RBFOX3: variants seen among roughly 807,000 people sequenced by gnomAD.
RBFOX3 encodes the protein RNA binding fox-1 homolog 3.
A neutral mutation model predicts 48.7 loss-of-function variants in RBFOX3; 17 were observed. The ratio of observed to expected loss-of-function variants is 0.35; its 90% CI spans 0.24 to 0.52. The LOEUF (loss-of-function observed/expected upper bound fraction) is 0.52. Ranked by LOEUF, RBFOX3 falls within the 20% of genes least tolerant of loss-of-function variation. The pLI is 0.94. For missense variants in RBFOX3, 382 were observed against 497.5 expected (o/e 0.77, Z 2.21); for synonymous variants, 212 against 209.5 (o/e 1.01, Z -0.10).
intron 3 of RBFOX3, among the ~76,000 whole-genome samples, chr17:79,288,846 T>C (rs2072610910): frequency 6.6e-6 from 1 of 151,416 alleles, no homozygotes; most frequent in Non-Finnish European, 1.5e-5. Flanking sequence ...AGTGAGGTAA[T>C]AGGGAGAAGT....
chr17:79,408,213 C>T (rs1004608970), intron 2 of RBFOX3, among the ~76,000 whole-genome samples: 2 of 152,150 alleles, frequency 1.3e-5, no homozygotes, highest in African/African-American at 2.4e-5. Context: ...GACACACACT[C>T]GATGGCTGGG....
chr17:79,657,269 C>A, the RBFOX3 span, among the ~76,000 whole-genome samples: 1 of 152,184 alleles, frequency 6.6e-6, no homozygotes, highest in African/African-American at 2.4e-5. Flanking sequence ...GGGGAGATTG[C>A]AGCAGGTCTT....
intron 2 of RBFOX3, among the ~76,000 whole-genome samples, chr17:79,463,718 GCCACTGCCACCTCCACCGCCATCA>G (rs1225733267): frequency 8.7e-6 from 1 of 114,526 alleles, no homozygotes; most frequent in Non-Finnish European, 1.9e-5. Context: ...CACCTCCACC[GCCACTGCCACCTCCACCGCCATCA>G]CCACTGCCAC....
rs191021019 is a variant in RBFOX3 at position 79,394,928 on chromosome 17, G to A, written c.-174-87104C>T. Among the ~76,000 whole-genome samples the A allele has an allele frequency of 1.8e-3, 276 of 152,362 alleles. 4 individuals carry two copies. Among genetic ancestry groups the A allele is most frequent in the Admixed American group, 3.1e-3 (47 of 15,308 alleles). ...CGCTCGGGGCGTGTGCAGGTGGGACGACGCAGAGAGGCGGCAAGACGTCAG... is the reference window on the plus strand; with the variant it reads ...CGCTCGGGGCGTGTGCAGGTGGGACAACGCAGAGAGGCGGCAAGACGTCAG... On this transcript the variant is annotated intron_variant, in intron 2 of 14. Transcript: ENST00000693108.
intron 2 of RBFOX3, among the ~76,000 whole-genome samples, chr17:79,332,724 TGA>T (rs2146384431): frequency 9.5e-6 from 1 of 105,660 alleles, no homozygotes; most frequent in East Asian, 3.6e-4. Context: ...AGACAGAGCC[TGA>T]GAGACAAAGA....
intron 2 of RBFOX3, among the ~76,000 whole-genome samples, chr17:79,354,464 A>G (rs759199274): frequency 3.3e-5 from 5 of 152,224 alleles, no homozygotes; most frequent in Non-Finnish European, 7.3e-5. Flanking sequence ...AGGACACCCC[A>G]GCCCCCGGCA....
intron 1 of RBFOX3, among the ~76,000 whole-genome samples, chr17:79,559,844 G>C (rs1408422063): frequency 3.4e-5 from 5 of 146,564 alleles, no homozygotes; most frequent in Non-Finnish European, 7.5e-5. Flanking sequence ...TGAATGAATG[G>C]GTGGATGGAT....
intron 2 of RBFOX3, among the ~76,000 whole-genome samples, chr17:79,323,149 A>G (rs185082771): frequency 2.0e-5 from 3 of 152,354 alleles, no homozygotes; most frequent in Admixed American, 1.3e-4. Context: ...AAGGAAGATT[A>G]TTGATATTCT....
chr17:79,443,064 G>C lies in RBFOX3; in HGVS notation c.-175+39390C>G, dbSNP rs1022717040. Among the ~76,000 whole-genome samples, 1 of 152,224 alleles carries C rather than the reference G, an allele frequency of 6.6e-6. No homozygotes were observed. The highest frequency in any genetic ancestry group is 2.4e-5 in the African/African-American group (1 of 41,460). On this transcript the variant is annotated intron_variant, in intron 2 of 14. Coordinates refer to ENST00000693108, the MANE Select transcript of RBFOX3 (RefSeq NM_001350451.2). This position sits in a 1 kb window ranked among gnomAD's most constrained non-coding sequence, Gnocchi z 4.4. ...CCACCTGTGCCATGAGGTCCTCACA[G>C]GCCAAAGGTGCACATGGACGAGACA...
At chr17:79,276,099 G>A (rs1453598286) in intron 3 of RBFOX3, among the ~76,000 whole-genome samples, 2 of 152,166 alleles carry the variant, frequency 1.3e-5, no homozygotes, top group Non-Finnish European at 2.9e-5. Context: ...AAGACGGTAC[G>A]CTCAGAGGCA....
intron 3 of RBFOX3, among the ~76,000 whole-genome samples, chr17:79,306,696 C>A (rs1238258762): frequency 6.6e-6 from 1 of 152,220 alleles, no homozygotes; most frequent in Non-Finnish European, 1.5e-5. Flanking sequence ...GTCCAGGGTG[C>A]CCTGCCTACC....
intron 4 of RBFOX3, among the ~76,000 whole-genome samples, chr17:79,201,414 C>T (rs12600839): frequency 0.08 from 12,206 of 152,158 alleles, 623 homozygotes; most frequent in East Asian, 0.14. Flanking sequence ...GCCAGAATAC[C>T]GAGAAGCAGG....
chr17:79,389,742 C>T (rs547714074), intron 2 of RBFOX3, among the ~76,000 whole-genome samples: 3 of 152,156 alleles, frequency 2.0e-5, no homozygotes, highest in Non-Finnish European at 2.9e-5. Flanking sequence ...GGCTGGGGAC[C>T]GTACTTGGGG....
At chr17:79,397,830 T>C (rs912017982) in intron 2 of RBFOX3, among the ~76,000 whole-genome samples, 1 of 152,064 alleles carries the variant, frequency 6.6e-6, no homozygotes, top group Non-Finnish European at 1.5e-5. Context: ...AGGGGAGGTG[T>C]CTCAGCCTTG....
At chr17:79,307,170 C>T (rs2076217109) in intron 3 of RBFOX3, among the ~76,000 whole-genome samples, 3 of 152,224 alleles carry the variant, frequency 2.0e-5, no homozygotes. Context: ...GGAAGGAGGG[C>T]CTCGCATGAG....
Position 79,168,118 on chromosome 17 carries a change from A to G in RBFOX3, c.-33-52370T>C, listed in dbSNP as rs116007101. ...CCGGCTCAGAGGCTAAGGAGCCCAG[A>G]GGGCTCTGATGCCCCGACCCTCGTT... On this transcript the variant is annotated intron_variant, in intron 4 of 14. Coordinates refer to ENST00000693108, the MANE Select transcript of RBFOX3 (RefSeq NM_001350451.2). Among the ~76,000 whole-genome samples the G allele has an allele frequency of 9.0e-3, 1,364 of 152,242 alleles. 22 individuals carry two copies. The highest frequency in any genetic ancestry group is 0.03 in the African/African-American group (1,258 of 41,562).
chr17:79,638,768 C>T, the RBFOX3 span, among the ~76,000 whole-genome samples: 1 of 152,142 alleles, frequency 6.6e-6, no homozygotes, highest in African/African-American at 2.4e-5. Context: ...TGGCACCTCC[C>T]CACTTGCTCT....
rs187878538 is a variant in RBFOX3, at chr17:79,200,725, A to C, written c.-34+35041T>G. Among the ~76,000 whole-genome samples the C allele has an allele frequency of 1.2e-4, 19 of 152,172 alleles. No individual in the cohort carries two copies. In the East Asian group the frequency reaches 3.1e-3, roughly 25 times the overall value. ...AACTCAATAATAAAAGCAAACGAGA[A>C]CTTTGCATGGAGGGTACAGCTTTGC... On this transcript the variant is annotated intron_variant, in intron 4 of 14. Transcript: ENST00000693108.
At chr17:79,548,286 T>C (rs1312720365) in intron 1 of RBFOX3, among the ~76,000 whole-genome samples, 1 of 151,856 alleles carries the variant, frequency 6.6e-6, no homozygotes, top group African/African-American at 2.4e-5. Context: ...AGCACTGGGG[T>C]CTCGGGCCTG....
Sources: gnomAD v4.1 joint callset for allele counts (sites outside exome capture counted in the v4.1 genomes callset) on GRCh38, gnomAD v4.1.1 for gene constraint, Gnocchi (gnomAD v3.1) non-coding constraint, MANE v1.5 for transcripts, NCBI Gene and HGNC (gene_info 2026-07-23, HGNC 2026-07-21) for gene names.